The following TMEM177 variants were observed in gnomAD, a reference collection of about 807,000 sequenced individuals.
The protein encoded by TMEM177 is transmembrane protein 177.
Under a neutral mutation model 14.2 loss-of-function variants are expected in TMEM177, and 4 were observed. The observed-to-expected ratio is 0.28, with a 90% CI of 0.14 to 0.64. TMEM177 has a LOEUF of 0.64. Among genes scored for constraint, TMEM177 ranks in the 30% least tolerant of loss-of-function variants. The pLI, the probability that TMEM177 is intolerant of heterozygous loss-of-function variation, is 0.82. For synonymous variants in TMEM177, 179 were observed against 174.5 expected, an observed-to-expected ratio of 1.03 and a Z score of -0.20; for missense variants, 344 against 405.2, an observed-to-expected ratio of 0.85 and a Z score of 1.30.
chr2:119,685,811 G>A (rs1376884654), downstream of TMEM177: 20 of 703,872 alleles, frequency 2.8e-5, no homozygotes, highest in Non-Finnish European at 4.5e-5. Flanking sequence ...AAGTTTCATG[G>A]TGCAGACTTA....
At chr2:119,684,967 A>G (rs1346636969), downstream of TMEM177, among the ~76,000 whole-genome samples, 2 of 152,062 alleles carry the variant, frequency 1.3e-5, no homozygotes, top group African/African-American at 4.8e-5. Flanking sequence ...CTGCCTTGTA[A>G]CTGTCACCCT....
At chr2:119,712,030 T>C in the TMEM177 span, among the ~76,000 whole-genome samples, 3 of 151,904 alleles carry the variant, frequency 2.0e-5, no homozygotes, top group Non-Finnish European at 4.4e-5. Context: ...GTCCAGAGCC[T>C]GGGGGTTGAG....
At chr2:119,718,099 C>G in the TMEM177 span, among the ~76,000 whole-genome samples, 213 of 152,276 alleles carry the variant, frequency 1.4e-3, 1 homozygote, top group Non-Finnish European at 2.4e-3. Context: ...AGGCAGGAAT[C>G]AGAAGCAGAA....
the TMEM177 span, among the ~76,000 whole-genome samples, chr2:119,718,280 T>C: frequency 6.6e-6 from 1 of 152,138 alleles, no homozygotes; most frequent in Non-Finnish European, 1.5e-5. Flanking sequence ...ACCATTACGC[T>C]CATGTATATT....
chr2:119,682,521 G>A (rs75246916), downstream of TMEM177, among the ~76,000 whole-genome samples: 5,562 of 152,188 alleles, frequency 0.037, 205 homozygotes, highest in African/African-American at 0.099. Context: ...TAAGAGTGTT[G>A]TGTCAGTCAA....
At position 119,681,403 on chromosome 2, in the gene TMEM177, G is replaced by A. The variant is rs766805941; in HGVS notation, c.550G>A (p.Gly184Ser). 6 of 1,613,924 alleles carry A rather than the reference G, an allele frequency of 3.7e-6. No homozygotes were observed. The highest frequency in any genetic ancestry group is 5.1e-6 in the Non-Finnish European group (6 of 1,179,858). Residue 184 changes from glycine (G) to serine (S), a missense_variant, in exon 2 of 2, where the codon GGC becomes AGC. Physicochemically the swap from Gly to Ser is moderately conservative, Grantham distance 56. Transcript: ENST00000272521. Reference protein sequence around the residue: ...PACLAGTWALGVGAKYTLGLH... With the variant: ...PACLAGTWALSVGAKYTLGLH... ...TTGCCTGGCAGGGACCTGGGCACTGGGCGTGGGTGCCAAGTACACCCTGGG... is the reference window on the plus strand; with the variant it reads ...TTGCCTGGCAGGGACCTGGGCACTGAGCGTGGGTGCCAAGTACACCCTGGG...
At chr2:119,683,544 T>A (rs1420413021), downstream of TMEM177, among the ~76,000 whole-genome samples, 1 of 152,098 alleles carries the variant, frequency 6.6e-6, no homozygotes, top group Non-Finnish European at 1.5e-5. Flanking sequence ...CCATCTGCTC[T>A]CAGTACTGCA....
the TMEM177 span, among the ~76,000 whole-genome samples, chr2:119,711,520 G>A: frequency 2.0e-5 from 3 of 152,222 alleles, no homozygotes; most frequent in African/African-American, 7.2e-5. Flanking sequence ...CTTCAGGGCA[G>A]AAACACGCAA....
chr2:119,713,708 C>T, the TMEM177 span, among the ~76,000 whole-genome samples: 3 of 152,168 alleles, frequency 2.0e-5, no homozygotes, highest in South Asian at 6.2e-4. Flanking sequence ...ATGGCTGGCA[C>T]TTGTAGTCCC....
the TMEM177 span, among the ~76,000 whole-genome samples, chr2:119,712,064 A>G: frequency 0.34 from 51,228 of 151,688 alleles, 9,444 homozygotes; most frequent in African/African-American, 0.5. Context: ...TGGAGCAGCC[A>G]CGCTCCAGGG....
chr2:119,691,664 G>A, the TMEM177 span, among the ~76,000 whole-genome samples: 2 of 152,178 alleles, frequency 1.3e-5, no homozygotes, highest in African/African-American at 2.4e-5. Context: ...CTGGACACAT[G>A]ACCTGTGTGA....
chr2:119,688,012 A>G (rs1689042462), downstream of TMEM177, among the ~76,000 whole-genome samples: 1 of 152,190 alleles, frequency 6.6e-6, no homozygotes, highest in African/African-American at 2.4e-5. Flanking sequence ...TACATGCCCA[A>G]AGAGGTACAT....
At chr2:119,687,002 T>G (rs1269288770), downstream of TMEM177, among the ~76,000 whole-genome samples, 3 of 152,196 alleles carry the variant, frequency 2.0e-5, no homozygotes, top group Non-Finnish European at 4.4e-5. Context: ...GGTCCTAATA[T>G]TTTTGGCCCT....
the TMEM177 span, among the ~76,000 whole-genome samples, chr2:119,718,803 C>T: frequency 6.6e-6 from 1 of 152,156 alleles, no homozygotes; most frequent in African/African-American, 2.4e-5. Flanking sequence ...AACAGGCTTT[C>T]GAGTCAGCAC....
the TMEM177 span, among the ~76,000 whole-genome samples, chr2:119,712,356 C>T: frequency 2.0e-5 from 3 of 152,058 alleles, no homozygotes; most frequent in Non-Finnish European, 1.5e-5. Context: ...CCTCTAATTC[C>T]TATGTTGAAG....
the TMEM177 span, chr2:119,700,075 C>G: frequency 3.8e-6 from 1 of 264,128 alleles, no homozygotes; most frequent in Non-Finnish European, 7.4e-6. Flanking sequence ...CAAATTGTTC[C>G]TAAACCAGAA....
At chr2:119,720,657 G>A in the TMEM177 span, among the ~76,000 whole-genome samples, 3 of 152,120 alleles carry the variant, frequency 2.0e-5, no homozygotes, top group East Asian at 1.9e-4. Flanking sequence ...TTTTTTGGAC[G>A]CCTGAAATTT....
At chr2:119,705,524 T>C in the TMEM177 span, among the ~76,000 whole-genome samples, 1 of 152,172 alleles carries the variant, frequency 6.6e-6, no homozygotes, top group African/African-American at 2.4e-5. Context: ...AGGTTGTCCA[T>C]AGTTCCTTGT....
At chr2:119,706,151 G>A in the TMEM177 span, among the ~76,000 whole-genome samples, 3 of 151,806 alleles carry the variant, frequency 2.0e-5, no homozygotes, top group African/African-American at 4.8e-5. Flanking sequence ...AGACTCCCAA[G>A]TAGCTGGGAT....
Sources: allele counts gnomAD v4.1 joint callset (sites outside exome capture counted in the v4.1 genomes callset), GRCh38; gene constraint gnomAD v4.1.1; transcripts MANE v1.5; gene names NCBI Gene and HGNC (gene_info 2026-07-23, HGNC 2026-07-21).